VRK2: variants seen among roughly 807,000 people sequenced by gnomAD.
VRK2 encodes the protein VRK serine/threonine kinase 2.
A neutral mutation model predicts 57.6 loss-of-function variants in VRK2; 60 were observed. The observed-to-expected ratio is 1.04, with a 90% CI of 0.85 to 1.29. VRK2 has a LOEUF of 1.29. VRK2 is among the 50% of genes most tolerant of loss of function. The pLI is 0.00. For missense variants in VRK2, 705 were observed against 588.1 expected, an observed-to-expected ratio of 1.20 and a Z score of -2.06; for synonymous variants, 231 against 199.2, an observed-to-expected ratio of 1.16 and a Z score of -1.35.
chr2:57,948,102 G>A lies in VRK2; in HGVS notation c.-439+40263G>A, dbSNP rs1572894736. Among the ~76,000 whole-genome samples the A allele has an allele frequency of 1.3e-5, 2 of 152,238 alleles. 1 individual carries two copies. Among genetic ancestry groups the A allele is most frequent in the Middle Eastern group, 6.8e-3 (2 of 294 alleles). Reference sequence around the variant, plus strand: ...CTAGACTTAAAACAATATCATTTATGCAAGGATGTTTTATATTCAAAGTGC... The same window carrying A: ...CTAGACTTAAAACAATATCATTTATACAAGGATGTTTTATATTCAAAGTGC... On this transcript the variant is annotated intron_variant, in intron 1 of 15. Coordinates refer to the VRK2 transcript ENST00000417641.
At chr2:58,078,457 C>T (rs1670427766) in intron 2 of VRK2, among the ~76,000 whole-genome samples, 1 of 152,056 alleles carries the variant, frequency 6.6e-6, no homozygotes, top group Non-Finnish European at 1.5e-5. Context: ...CTGCTATGAG[C>T]ATGGGTGTGC....
chr2:58,016,150 C>G (rs1673574496), intron 1 of VRK2, among the ~76,000 whole-genome samples: 1 of 151,932 alleles, frequency 6.6e-6, no homozygotes, highest in African/African-American at 2.4e-5. Flanking sequence ...CCTCAGTTTT[C>G]TAATCTATAA....
chr2:58,117,366 C>G (rs528957628), intron 7 of VRK2, among the ~76,000 whole-genome samples: 1 of 151,960 alleles, frequency 6.6e-6, no homozygotes, highest in Admixed American at 6.6e-5. Flanking sequence ...AACTGTAAGC[C>G]GGACCAGGTG....
chr2:57,977,643 T>G (rs1163546582), intron 1 of VRK2, among the ~76,000 whole-genome samples: 1 of 151,252 alleles, frequency 6.6e-6, no homozygotes, highest in Non-Finnish European at 1.5e-5. Flanking sequence ...TTTCTACATA[T>G]AGACTGATAT....
intron 1 of VRK2, among the ~76,000 whole-genome samples, chr2:57,947,389 T>C (rs1671294933): frequency 6.6e-6 from 1 of 152,158 alleles, no homozygotes; most frequent in Admixed American, 6.5e-5. Context: ...ACACAATGTG[T>C]ATATAAAATC....
At chr2:58,047,317 AC>A in intron 1 of VRK2, 1 of 623,990 alleles carries the variant, frequency 1.6e-6, no homozygotes, top group East Asian at 1.4e-4. Context: ...GCACATGTTA[AC>A]CCCTGGGTAC....
chr2:58,005,518 A>G (rs568494973), intron 1 of VRK2, among the ~76,000 whole-genome samples: 1 of 152,246 alleles, frequency 6.6e-6, no homozygotes, highest in East Asian at 1.9e-4. Context: ...AATTTAAAAG[A>G]CAATGGGTAA....
chr2:58,047,836 G>A (rs930865741), intron 1 of VRK2, among the ~76,000 whole-genome samples: 2 of 152,116 alleles, frequency 1.3e-5, no homozygotes, highest in Non-Finnish European at 2.9e-5. Context: ...AAGTGAAGGA[G>A]GAAAAACCCG....
At chr2:58,055,163 G>C (rs1387785713) in intron 2 of VRK2, among the ~76,000 whole-genome samples, 1 of 152,146 alleles carries the variant, frequency 6.6e-6, no homozygotes, top group African/African-American at 2.4e-5. Flanking sequence ...CGTTCTGCAT[G>C]CTGCCCCTCC....
At chr2:57,981,233 T>C (rs1011395526) in intron 1 of VRK2, among the ~76,000 whole-genome samples, 34 of 152,224 alleles carry the variant, frequency 2.2e-4, no homozygotes, top group South Asian at 8.3e-4. Flanking sequence ...AGCTCTCCCA[T>C]GGTAATGAAT....
intron 7 of VRK2, among the ~76,000 whole-genome samples, chr2:58,098,833 C>A (rs576155773): frequency 1.3e-5 from 2 of 152,178 alleles, no homozygotes; most frequent in South Asian, 2.1e-4. Context: ...TCCATTTTAA[C>A]TAACTTTTTG....
chr2:57,951,727 T>A (rs1671431973), intron 1 of VRK2, among the ~76,000 whole-genome samples: 1 of 152,118 alleles, frequency 6.6e-6, no homozygotes, highest in African/African-American at 2.4e-5. Flanking sequence ...AAGGCTCAGA[T>A]GATTGTTAGC....
At chr2:58,137,140 C>CATGTGTTT (rs1680361083) in intron 10 of VRK2, among the ~76,000 whole-genome samples, 1 of 13,274 alleles carries the variant, frequency 7.5e-5, no homozygotes, top group Non-Finnish European at 2.3e-4. Flanking sequence ...TATCATATAT[C>CATGTGTTT]ATATATATCA....
At chr2:57,988,415 G>A (rs551079765) in intron 1 of VRK2, among the ~76,000 whole-genome samples, 1 of 152,256 alleles carries the variant, frequency 6.6e-6, no homozygotes, top group Admixed American at 6.5e-5. Flanking sequence ...ACATGACTGA[G>A]CTAAGATGCC....
chr2:58,146,528 G>A, intron 12 of VRK2, 54 bp downstream of exon 12: 4 of 1,550,704 alleles, frequency 2.6e-6, no homozygotes, highest in Non-Finnish European at 3.5e-6. Flanking sequence ...ATTAGAATAT[G>A]CCCTTTGGGA....
chr2:58,031,971 T>C (rs1166754630), intron 2 of VRK2, among the ~76,000 whole-genome samples: 1 of 152,152 alleles, frequency 6.6e-6, no homozygotes, highest in Non-Finnish European at 1.5e-5. Flanking sequence ...CAATGACCTT[T>C]CACCCTACAC....
intron 3 of VRK2, among the ~76,000 whole-genome samples, chr2:58,039,593 G>C (rs977493167): frequency 1.3e-5 from 2 of 152,042 alleles, no homozygotes; most frequent in African/African-American, 2.4e-5. Context: ...TAAAGACTCA[G>C]GATTTAGTGA....
chr2:57,956,688 G>A (rs1434742796), intron 1 of VRK2, among the ~76,000 whole-genome samples: 1 of 152,110 alleles, frequency 6.6e-6, no homozygotes, highest in African/African-American at 2.4e-5. Context: ...GCAAAAGCAT[G>A]GATTATTTAT....
chr2:58,046,565 G>C, upstream of VRK2: 1 of 985,640 alleles, frequency 1.0e-6, no homozygotes, highest in Non-Finnish European at 1.2e-6. Context: ...ACGCTGGCGG[G>C]CCAGGGTGGA....
Sources: allele counts gnomAD v4.1 joint callset (sites outside exome capture counted in the v4.1 genomes callset), GRCh38; gene constraint gnomAD v4.1.1; transcripts MANE v1.5; gene names NCBI Gene and HGNC (gene_info 2026-07-23, HGNC 2026-07-21).